The following SCLT1 variants were observed in gnomAD, a reference collection of about 807,000 sequenced individuals.
SCLT1 encodes the protein sodium channel and clathrin linker 1, also known as sodium channel-associated protein 1.
A neutral mutation model predicts 112.8 loss-of-function variants in SCLT1; 78 were observed. The observed-to-expected ratio is 0.69, with a 90% CI of 0.58 to 0.83. SCLT1 has a LOEUF of 0.83. SCLT1 is among the 40% of genes least tolerant of loss of function. The probability of loss-of-function intolerance (pLI) is 0.00; values close to 1 mark genes in which losing one functional copy is unlikely to be tolerated. For synonymous variants in SCLT1, 257 were observed against 254.7 expected (o/e 1.01, Z -0.09); for missense variants, 747 against 770.4 (o/e 0.97, Z 0.36).
chr4:129,042,444 A>C (rs923958939), intron 4 of SCLT1, among the ~76,000 whole-genome samples: 22 of 152,152 alleles, frequency 1.4e-4, no homozygotes, highest in African/African-American at 4.8e-4. Context: ...CCAAAATGAT[A>C]ATCCATTCTG....
chr4:128,981,445 T>C (rs1329909824), intron 9 of SCLT1, among the ~76,000 whole-genome samples: 1 of 152,190 alleles, frequency 6.6e-6, no homozygotes, highest in Non-Finnish European at 1.5e-5. Context: ...CTCTTGAAGA[T>C]AACATTACTA....
chr4:129,063,652 C>A (rs1034232079), intron 2 of SCLT1, among the ~76,000 whole-genome samples: 1 of 152,166 alleles, frequency 6.6e-6, no homozygotes, highest in Admixed American at 6.5e-5. Flanking sequence ...ACAGGTTAGG[C>A]ATCCCAAGCA....
intron 17 of SCLT1, among the ~76,000 whole-genome samples, chr4:128,941,842 G>A (rs553328512): frequency 6.6e-6 from 1 of 152,168 alleles, no homozygotes; most frequent in Admixed American, 6.5e-5. Context: ...CTGTGATATA[G>A]GAGTTAAGTT....
At chr4:129,053,275 G>C (rs1748996569) in intron 2 of SCLT1, among the ~76,000 whole-genome samples, 1 of 152,084 alleles carries the variant, frequency 6.6e-6, no homozygotes, top group Non-Finnish European at 1.5e-5. Flanking sequence ...TTCAAGTCCA[G>C]GATATTCTTG....
At chr4:128,995,090 C>T (rs1043962933) in intron 8 of SCLT1, among the ~76,000 whole-genome samples, 7 of 152,178 alleles carry the variant, frequency 4.6e-5, no homozygotes, top group Middle Eastern at 3.4e-3. Context: ...TCCATGAAAT[C>T]GTTGCCAAGA....
intron 4 of SCLT1, chr4:129,039,489 T>G (rs1350482820): frequency 6.2e-6 from 1 of 160,638 alleles, no homozygotes; most frequent in Non-Finnish European, 1.4e-5. Flanking sequence ...CCCATATAAG[T>G]ATGTATATTT....
chr4:128,937,407 C>G (rs1006389710), intron 17 of SCLT1, among the ~76,000 whole-genome samples: 1 of 152,080 alleles, frequency 6.6e-6, no homozygotes, highest in Non-Finnish European at 1.5e-5. Context: ...GCAACACTTT[C>G]CCTAACACCT....
At chr4:128,973,465 G>T (rs1740872550) in intron 9 of SCLT1, among the ~76,000 whole-genome samples, 1 of 150,026 alleles carries the variant, frequency 6.7e-6, no homozygotes, top group African/African-American at 2.5e-5. Flanking sequence ...GTGGGAGGGA[G>T]GAGAGGGAGA....
At chr4:128,950,467 G>C (rs1327607370) in intron 14 of SCLT1, among the ~76,000 whole-genome samples, 3 of 152,038 alleles carry the variant, frequency 2.0e-5, no homozygotes, top group Non-Finnish European at 4.4e-5. Context: ...TAATACTAAA[G>C]CAAACATTAA....
At chr4:128,988,912 A>G (rs1742330074) in intron 9 of SCLT1, among the ~76,000 whole-genome samples, 1 of 151,998 alleles carries the variant, frequency 6.6e-6, no homozygotes, top group Non-Finnish European at 1.5e-5. Flanking sequence ...TAAAGGGGTC[A>G]ATCCCACAAG....
chr4:129,083,186 G>GAAA lies in SCLT1; in HGVS notation c.35-816_35-814dup, dbSNP rs10651058. 2.5e-3 allele frequency among the ~76,000 whole-genome samples: 209 copies of GAAA among 84,268 alleles called. 4 individuals carry two copies. The highest frequency in any genetic ancestry group is 4.3e-3 in the African/African-American group (81 of 18,898). The allele number at this position is 84,268 out of a possible 152,430, so 55.3% of individuals were successfully genotyped here. ...AGCCTGGGTGACAGAGTGAGACTCT[G>GAAA]AAAAAAAAAAAAAAAAAGAATAAGA... is the stretch of plus-strand genomic sequence containing the variant. On this transcript the variant is annotated intron_variant, in intron 1 of 20. Transcript: ENST00000281142.
intron 9 of SCLT1, among the ~76,000 whole-genome samples, chr4:128,991,745 C>T (rs1742590921): frequency 6.6e-6 from 1 of 151,472 alleles, no homozygotes; most frequent in Admixed American, 6.6e-5. Context: ...TGTGGGTTCC[C>T]CATTCGTGGA....
At chr4:128,889,997 A>C (rs1733188933) in intron 19 of SCLT1, among the ~76,000 whole-genome samples, 1 of 152,216 alleles carries the variant, frequency 6.6e-6, no homozygotes, top group Non-Finnish European at 1.5e-5. Context: ...TATGCCCAAA[A>C]GCAAAATTAA....
intron 2 of SCLT1, among the ~76,000 whole-genome samples, chr4:129,067,829 CT>C (rs568059639): frequency 0.025 from 3,611 of 141,728 alleles, 32 homozygotes; most frequent in African/African-American, 0.033. Flanking sequence ...AATATTTTAA[CT>C]TTTTTTTTTT....
intron 2 of SCLT1, among the ~76,000 whole-genome samples, chr4:129,046,769 A>G (rs981858063): frequency 6.6e-5 from 10 of 152,070 alleles, no homozygotes; most frequent in African/African-American, 2.4e-4. Flanking sequence ...AAGTAATCTT[A>G]CCCATTTACT....
intron 5 of SCLT1, among the ~76,000 whole-genome samples, chr4:129,028,188 T>C (rs1477576086): frequency 1.3e-5 from 2 of 152,098 alleles, no homozygotes; most frequent in Non-Finnish European, 2.9e-5. Context: ...TGAAATTTCA[T>C]ATGGAACCAA....
At chr4:128,980,538 C>T (rs915283218) in intron 9 of SCLT1, among the ~76,000 whole-genome samples, 24 of 152,064 alleles carry the variant, frequency 1.6e-4, no homozygotes, top group Non-Finnish European at 3.1e-4. Flanking sequence ...AATGAAACCA[C>T]TTATATATAA....
chr4:129,073,050 A>G (rs1448799136), intron 2 of SCLT1, among the ~76,000 whole-genome samples: 2 of 152,048 alleles, frequency 1.3e-5, no homozygotes, highest in Non-Finnish European at 2.9e-5. Flanking sequence ...CTGAGAGTCT[A>G]TCTGTAGTGA....
At chr4:129,021,672 G>A (rs1326050302) in intron 5 of SCLT1, among the ~76,000 whole-genome samples, 1 of 152,196 alleles carries the variant, frequency 6.6e-6, no homozygotes, top group African/African-American at 2.4e-5. Context: ...GCCCCAGTTA[G>A]GGCCCTACAG....
Sources: gnomAD v4.1 joint callset for allele counts (sites outside exome capture counted in the v4.1 genomes callset) on GRCh38, gnomAD v4.1.1 for gene constraint, MANE v1.5 for transcripts, NCBI Gene and HGNC (gene_info 2026-07-23, HGNC 2026-07-21) for gene names.